Variants in PTPRO observed in about 807,000 individuals in gnomAD.
The protein encoded by PTPRO is protein tyrosine phosphatase receptor type O, also known as receptor-type tyrosine-protein phosphatase O.
A neutral mutation model predicts 145.2 loss-of-function variants in PTPRO; 62 were observed. The ratio of observed to expected loss-of-function variants is 0.43; its 90% CI spans 0.35 to 0.53. The LOEUF (loss-of-function observed/expected upper bound fraction) is 0.53, where lower values mean the gene tolerates loss of function less well. PTPRO is among the 20% of genes least tolerant of loss of function. The pLI, the probability that PTPRO is intolerant of heterozygous loss-of-function variation, is 0.01. For synonymous variants in PTPRO, 565 were observed against 514.7 expected, an observed-to-expected ratio of 1.10 and a Z score of -1.32; for missense variants, 1,345 against 1,482.7, an observed-to-expected ratio of 0.91 and a Z score of 1.53.
chr12:15,359,737 A>G (rs1384701660), intron 1 of PTPRO, among the ~76,000 whole-genome samples: 3 of 151,872 alleles, frequency 2.0e-5, no homozygotes, highest in Admixed American at 2.0e-4. Context: ...CATTGGATCT[A>G]TTTTTCTGTC....
intron 1 of PTPRO, among the ~76,000 whole-genome samples, chr12:15,325,223 A>G (rs1228645045): frequency 6.6e-6 from 1 of 152,256 alleles, no homozygotes; most frequent in Non-Finnish European, 1.5e-5. Context: ...AAATTCAAGT[A>G]TGAGGCTTAA....
intron 17 of PTPRO, among the ~76,000 whole-genome samples, chr12:15,562,216 C>T (rs569057990): frequency 6.6e-6 from 1 of 152,216 alleles, no homozygotes; most frequent in Admixed American, 6.6e-5. Context: ...AAGTGAAATT[C>T]ATGCTCCCCG....
intron 1 of PTPRO, among the ~76,000 whole-genome samples, chr12:15,357,015 T>C (rs904542475): frequency 6.6e-6 from 1 of 152,142 alleles, no homozygotes; most frequent in African/African-American, 2.4e-5. Flanking sequence ...TGGGGGTGGC[T>C]GTCACCTTGG....
At chr12:15,453,649 A>G (rs765628514) in intron 1 of PTPRO, among the ~76,000 whole-genome samples, 1 of 152,204 alleles carries the variant, frequency 6.6e-6, no homozygotes, top group Non-Finnish European at 1.5e-5. Flanking sequence ...TTTGTTAACT[A>G]TAGGCACAAT....
chr12:15,411,257 A>G (rs1565613804), intron 1 of PTPRO, among the ~76,000 whole-genome samples: 1 of 152,214 alleles, frequency 6.6e-6, no homozygotes, highest in Non-Finnish European at 1.5e-5. Flanking sequence ...TATATGGTCA[A>G]AGTTGTATTT....
At chr12:15,478,775 C>G (rs1178658890) in intron 1 of PTPRO, among the ~76,000 whole-genome samples, 1 of 152,042 alleles carries the variant, frequency 6.6e-6, no homozygotes, top group Non-Finnish European at 1.5e-5. Context: ...AGGTTCACCC[C>G]ATTCTCCTGC....
chr12:15,430,362 G>A (rs1393440168), intron 1 of PTPRO, among the ~76,000 whole-genome samples: 4 of 152,146 alleles, frequency 2.6e-5, no homozygotes, highest in Admixed American at 6.6e-5. Context: ...GATAGAAGCC[G>A]AGGGATTCTA....
chr12:15,394,976 G>A (rs959071620), intron 1 of PTPRO, among the ~76,000 whole-genome samples: 12 of 152,036 alleles, frequency 7.9e-5, no homozygotes, highest in South Asian at 2.1e-4. Flanking sequence ...TTAAAAAGGC[G>A]GCAAAGAAAA....
At chr12:15,324,458 G>A (rs1203136868) in intron 1 of PTPRO, among the ~76,000 whole-genome samples, 1 of 152,216 alleles carries the variant, frequency 6.6e-6, no homozygotes, top group Non-Finnish European at 1.5e-5. Context: ...AATGCAGTTA[G>A]TGATGGTGTA....
intron 1 of PTPRO, among the ~76,000 whole-genome samples, chr12:15,481,456 G>A (rs1941777091): frequency 6.6e-6 from 1 of 152,158 alleles, no homozygotes; most frequent in Admixed American, 6.5e-5. Context: ...TCCTTCACAA[G>A]ATGTTTATTT....
At chr12:15,431,735 A>G (rs1171356799) in intron 1 of PTPRO, among the ~76,000 whole-genome samples, 8 of 152,192 alleles carry the variant, frequency 5.3e-5, no homozygotes, top group Non-Finnish European at 7.4e-5. Context: ...AAATATTAAT[A>G]TTAGAAAAAC....
At position 15,482,933 on chromosome 12, in the gene PTPRO, G is replaced by C. The variant is rs569681867; in HGVS notation, c.76-1041G>C. ...ATCTTTCTGAGCCTCAGTTTCCTCA[G>C]CTACAAAGTGAGATTAAAAGTAACG... On this transcript the variant is annotated intron_variant, in intron 1 of 26. Coordinates refer to ENST00000281171, the MANE Select transcript of PTPRO (RefSeq NM_030667.3). Among the ~76,000 whole-genome samples, 17 of 152,240 alleles carry C rather than the reference G, an allele frequency of 1.1e-4. 2 individuals carry two copies. The South Asian group carries it at 3.3e-3, about 30-fold the overall frequency.
chr12:15,526,102 T>C, intron 11 of PTPRO, 40 bp from the exon 12 acceptor site: 3 of 1,613,322 alleles, frequency 1.9e-6, no homozygotes, highest in African/African-American at 2.7e-5. Context: ...ACTGATTCAT[T>C]CACTAAAAGT....
At chr12:15,519,129 A>T (rs1942659356) in intron 9 of PTPRO, among the ~76,000 whole-genome samples, 1 of 152,224 alleles carries the variant, frequency 6.6e-6, no homozygotes, top group Non-Finnish European at 1.5e-5. Context: ...CCCCACAATC[A>T]TGGCGGGAGG....
intron 2 of PTPRO, 90 bp from the exon 3 acceptor site, chr12:15,497,153 GGT>G (rs1230949245): frequency 8.5e-7 from 1 of 1,180,818 alleles, no homozygotes; most frequent in Non-Finnish European, 1.2e-6. Context: ...GTGAATTTCT[GGT>G]AGGTGTAATC....
intron 22 of PTPRO, among the ~76,000 whole-genome samples, chr12:15,581,083 G>T (rs1409784556): frequency 6.6e-6 from 1 of 152,156 alleles, no homozygotes; most frequent in African/African-American, 2.4e-5. Flanking sequence ...ATATTGTTTT[G>T]CAGGAAAGTT....
chr12:15,469,463 T>C (rs1410732596), intron 1 of PTPRO, among the ~76,000 whole-genome samples: 1 of 152,186 alleles, frequency 6.6e-6, no homozygotes, highest in Non-Finnish European at 1.5e-5. Flanking sequence ...AAATGTATTT[T>C]ATGGGTTCCT....
At position 15,432,807 on chromosome 12, in the gene PTPRO, A is replaced by C. The variant is rs532038964; in HGVS notation, c.76-51167A>C. Among the ~76,000 whole-genome samples, 5 of 152,290 alleles carry C rather than the reference A, an allele frequency of 3.3e-5. No homozygotes were observed. The East Asian group carries it at 9.6e-4, about 29-fold the overall frequency. The stretch of plus-strand genomic sequence containing the variant: ...TGGCCTAATGCATGTCTTCTATAGA[A>C]AAGTGTTTGCTCATGTTCTTTGCCC... On this transcript the variant is annotated intron_variant, in intron 1 of 26. Transcript: ENST00000281171.
intron 19 of PTPRO, among the ~76,000 whole-genome samples, chr12:15,578,044 T>C (rs137869513): frequency 6.6e-6 from 1 of 152,340 alleles, no homozygotes; most frequent in Non-Finnish European, 1.5e-5. Flanking sequence ...GACATTTGGA[T>C]GTTCTTATTC....
Sources: gnomAD v4.1 joint callset for allele counts (sites outside exome capture counted in the v4.1 genomes callset) on GRCh38, gnomAD v4.1.1 for gene constraint, MANE v1.5 for transcripts, NCBI Gene and HGNC (gene_info 2026-07-23, HGNC 2026-07-21) for gene names.